SCARF2: variants seen among roughly 807,000 people sequenced by gnomAD.
SCARF2 encodes the protein scavenger receptor expressed by endothelial cells 2 protein.
Under a neutral mutation model 73.4 loss-of-function variants are expected in SCARF2, and 39 were observed. The observed-to-expected ratio is 0.53, with a 90% CI of 0.41 to 0.69. The LOEUF (loss-of-function observed/expected upper bound fraction) is 0.69. Ranked by LOEUF, SCARF2 falls within the 30% of genes least tolerant of loss-of-function variation. The pLI, the probability that SCARF2 is intolerant of heterozygous loss-of-function variation, is 0.00. For missense variants in SCARF2, 1,148 were observed against 1,303.5 expected, an observed-to-expected ratio of 0.88 and a Z score of 1.84; for synonymous variants, 605 against 590.0, an observed-to-expected ratio of 1.03 and a Z score of -0.37.
chr22:20,432,425 G>A (rs1477628531), intron 1 of SCARF2, among the ~76,000 whole-genome samples: 1 of 152,218 alleles, frequency 6.6e-6, no homozygotes, highest in Non-Finnish European at 1.5e-5. Flanking sequence ...GTGACATGAT[G>A]AGGACGGCAC....
Position 20,431,487 on chromosome 22 carries a change from G to T in SCARF2, c.385C>A (p.His129Asn). The T allele has an allele frequency of 6.4e-7, 1 of 1,574,798 alleles. No individual in the cohort carries two copies. The highest frequency in any genetic ancestry group is 2.3e-5 in the East Asian group (1 of 43,042). ...GPDCKELCSC[H>N]PHGQCEDVTG... ...ACGTCCTCGCACTGCCCGTGTGGGT[G>T]GCAGCTACACAGCTCCTTGCAGTCG... The change falls in exon 4 of 11, where the codon CAC becomes AAC. Residue 129 changes from histidine (H) to asparagine (N), a missense_variant. Physicochemically the swap from His to Asn is moderately conservative, Grantham distance 68. Coordinates refer to ENST00000622235, the MANE Select transcript of SCARF2 (RefSeq NM_182895.5).
Position 20,429,049 on chromosome 22 carries a change from T to G in SCARF2, c.1540+176A>C, listed in dbSNP as rs1047869864. 6.6e-6 allele frequency among the ~76,000 whole-genome samples: 1 copy of G among 152,062 alleles called. No individual in the cohort carries two copies. Among genetic ancestry groups the G allele is most frequent in the Non-Finnish European group, 1.5e-5 (1 of 67,996 alleles). ...CCTGCCTTCCTACCTTGCCTCGCCC[T>G]CAGCAGCTGCCACACCTCTTACCTT... is the stretch of plus-strand genomic sequence containing the variant. On this transcript the variant is annotated intron_variant, in intron 9 of 10. Transcript: ENST00000622235. This position sits in a 1 kb window ranked among gnomAD's most constrained non-coding sequence, Gnocchi z 5.2.
At position 20,431,811 on chromosome 22, in the gene SCARF2, C is replaced by T. The variant is rs1388719316; in HGVS notation, c.268G>A (p.Glu90Lys). 1.3e-6 allele frequency: 2 copies of T among 1,598,448 alleles called. No homozygotes were observed. Among genetic ancestry groups the T allele is most frequent in the African/African-American group, 1.3e-5 (1 of 74,802 alleles). ...CEGNSTCSENEVCVRPGECRC... is the reference protein window; with the variant it reads ...CEGNSTCSENKVCVRPGECRC... The stretch of plus-strand genomic sequence containing the variant: ...CACTCGCCAGGCCTCACGCACACCT[C>T]GTTCTCTGAGCACGTGGAGTTGCCT... Residue 90 changes from glutamate to lysine, a missense_variant, in exon 3 of 11, where the codon GAG becomes AAG. Physicochemically the swap from Glu to Lys is moderately conservative, Grantham distance 56 (BLOSUM62 1). Coordinates refer to ENST00000622235, the MANE Select transcript of SCARF2 (RefSeq NM_182895.5).
In SCARF2 at chr22:20,430,560, TGGAAAGAGG is replaced by T; in HGVS notation, c.1074-12_1074-4del. The T allele has an allele frequency of 6.2e-7, 1 of 1,611,950 alleles. No individual in the cohort carries two copies. Among genetic ancestry groups the T allele is most frequent in the Non-Finnish European group, 8.5e-7 (1 of 1,179,372 alleles). On this transcript the variant is annotated splice_region_variant and splice_polypyrimidine_tract_variant and intron_variant, in intron 5 of 10. Transcript: ENST00000622235. ...CATTGCTACACTTGGTCTCGCACCT[TGGAAAGAGG>T]GGAGGAGGCGTCAGCAGAAATGGAG...
chr22:20,433,081 C>T (rs1008672267), intron 1 of SCARF2, among the ~76,000 whole-genome samples: 2 of 152,186 alleles, frequency 1.3e-5, no homozygotes, highest in South Asian at 2.1e-4. Context: ...ACAATGCTAC[C>T]GCAGCACTTC....
intron 6 of SCARF2, 100 bp downstream of exon 6, chr22:20,430,324 CTGAGG>C: frequency 2.2e-6 from 3 of 1,379,736 alleles, no homozygotes; most frequent in Non-Finnish European, 3.0e-6. Flanking sequence ...GGGACCAAGG[CTGAGG>C]TGATAACCCA....
At position 20,427,390 on chromosome 22, in the gene SCARF2, T is replaced by C. The variant is rs1388985052; in HGVS notation, c.1693+8A>G. On this transcript the variant is annotated splice_region_variant and intron_variant, in intron 10 of 10. Coordinates refer to ENST00000622235, the MANE Select transcript of SCARF2 (RefSeq NM_182895.5). Reference sequence around the variant, plus strand: ...GCTGGAGTGATGCCCAGGTAGGGCCTTACTTACCCTCATGGGGTACACAGT... The same window carrying C: ...GCTGGAGTGATGCCCAGGTAGGGCCCTACTTACCCTCATGGGGTACACAGT... 1.2e-6 allele frequency: 2 copies of C among 1,614,068 alleles called. No individual in the cohort carries two copies. Among genetic ancestry groups the C allele is most frequent in the South Asian group, 2.2e-5 (2 of 91,066 alleles).
Position 20,429,380 on chromosome 22 carries a change from CG to C in SCARF2, c.1425-41del. The C allele has an allele frequency of 2.0e-6, 1 of 511,606 alleles. No homozygotes were observed. Among genetic ancestry groups the C allele is most frequent in the South Asian group, 1.6e-5 (1 of 63,558 alleles). The allele number at this position is 511,606 out of a possible 1,614,324, so 31.7% of individuals were successfully genotyped here. On this transcript the variant is annotated intron_variant, in intron 8 of 10. Transcript: ENST00000622235. This position sits in a 1 kb window ranked among gnomAD's most constrained non-coding sequence, Gnocchi z 5.2. ...TCTGAGCGGAGGGGCGGGGCCGGGG[CG>C]GGGCCCAGGGGCGATTAGATCTCGG...
At chr22:20,430,376 C>G (rs1257124649) in intron 6 of SCARF2, 53 bp downstream of exon 6, 5 of 1,553,068 alleles carry the variant, frequency 3.2e-6, no homozygotes, top group Non-Finnish European at 4.4e-6. Context: ...GGCTGGACCC[C>G]CCTCTGTGGC....
rs538628814 is a variant in SCARF2 at position 20,426,498 on chromosome 22, T to G, written c.1694-216A>C. ...CTCTGAACTCAGGCTGTGCAAGGAG[T>G]GATGGGCGCATTCCCGCGACTGAAG... On this transcript the variant is annotated intron_variant, in intron 10 of 10. Transcript: ENST00000622235. Among the ~76,000 whole-genome samples, 6 of 152,152 alleles carry G rather than the reference T, an allele frequency of 3.9e-5. No individual in the cohort carries two copies. The South Asian group carries it at 6.2e-4, about 16-fold the overall frequency.
At chr22:20,436,117 C>A (rs1304482884) in intron 1 of SCARF2, among the ~76,000 whole-genome samples, 1 of 152,246 alleles carries the variant, frequency 6.6e-6, no homozygotes, top group East Asian at 1.9e-4. Context: ...TGGAGACAGG[C>A]CCAGAGAGGT....
rs1601306894 is a variant in SCARF2, at chr22:20,436,439, G to A, written c.173+1143C>T. 2.0e-5 allele frequency among the ~76,000 whole-genome samples: 3 copies of A among 152,150 alleles called. No individual in the cohort carries two copies. In the South Asian group the frequency reaches 6.2e-4, roughly 32 times the overall value. On this transcript the variant is annotated intron_variant, in intron 1 of 10. Coordinates refer to ENST00000622235, the MANE Select transcript of SCARF2 (RefSeq NM_182895.5). The stretch of plus-strand genomic sequence containing the variant: ...GGGCCGGGGAGGCCCGGGAGTCCGC[G>A]GCGGCGGCATCGATGCGAAGCAGAT...
chr22:20,436,782 T>C (rs1026070399), intron 1 of SCARF2, among the ~76,000 whole-genome samples: 1 of 151,894 alleles, frequency 6.6e-6, no homozygotes, highest in African/African-American at 2.4e-5. Context: ...GCCCACCGGC[T>C]CCCCCGACCC....
At position 20,425,289 on chromosome 22, in the gene SCARF2, C is replaced by A; in HGVS notation, c.*86G>T. On this transcript the variant is annotated 3_prime_UTR_variant, in exon 11 of 11. Coordinates refer to ENST00000622235, the MANE Select transcript of SCARF2 (RefSeq NM_182895.5). This position sits in a 1 kb window ranked among gnomAD's most constrained non-coding sequence, Gnocchi z 4.6. ...GCGCGGTGCCCGGCCAATAGGAGGCCGCCCGTGCCCGGTAGCGTGGGAGGT... is the reference window on the plus strand; with the variant it reads ...GCGCGGTGCCCGGCCAATAGGAGGCAGCCCGTGCCCGGTAGCGTGGGAGGT... 8.4e-7 allele frequency: 1 copy of A among 1,184,786 alleles called. No homozygotes were observed. The highest frequency in any genetic ancestry group is 1.1e-6 in the Non-Finnish European group (1 of 921,606). 73.4% of individuals were successfully genotyped at this position (1,184,786 alleles called of 1,614,324 possible). A position where few individuals can be genotyped will look rare whatever the true frequency, so the allele number is the denominator to read the frequency against.
In SCARF2 at chr22:20,425,510, CG is replaced by C; in HGVS notation, c.2465del (p.Pro822ArgfsTer117). ...PARAPPATET[P>X]GPEKAATDLP... ...AGTCGGTCGCCGCCTTCTCAGGCCC[CG>C]GGGTTTCGGTCGCTGGGGGCGCGCG... is the stretch of plus-strand genomic sequence containing the variant. On this transcript the variant is annotated frameshift_variant, in exon 11 of 11. Transcript: ENST00000622235. LOFTEE classifies it high-confidence loss of function. The surrounding 1 kb of genome is among the most constrained non-coding windows in gnomAD (Gnocchi z 4.6). 1.5e-6 allele frequency: 2 copies of C among 1,355,280 alleles called. No homozygotes were observed. Among genetic ancestry groups the C allele is most frequent in the Non-Finnish European group, 1.9e-6 (2 of 1,055,576 alleles). 84.0% of individuals were successfully genotyped at this position (1,355,280 alleles called of 1,614,324 possible). A position where few individuals can be genotyped will look rare whatever the true frequency, so the allele number is the denominator to read the frequency against.
intron 1 of SCARF2, among the ~76,000 whole-genome samples, chr22:20,437,060 C>G (rs1181420244): frequency 1.3e-5 from 2 of 152,122 alleles, no homozygotes; most frequent in African/African-American, 2.4e-5. Context: ...TCGACGCTCG[C>G]CTGGGTCACC....
chr22:20,431,270 A>T lies in SCARF2; in HGVS notation c.602T>A (p.Leu201Gln), dbSNP rs1161979401. 1 of 1,540,464 alleles carries T rather than the reference A, an allele frequency of 6.5e-7. No individual in the cohort carries two copies. The highest frequency in any genetic ancestry group is 1.4e-5 in the African/African-American group (1 of 72,614). ...SRCDPQTGAC[L>Q]CHAGWWGRSC... ...GCGGCCCCACCAGCCTGCGTGGCAC[A>T]GGCAGGCGCCGGTCTGTGGGTCGCA... is the stretch of plus-strand genomic sequence containing the variant. Residue 201 changes from leucine to glutamine, a missense_variant, in exon 4 of 11, where the codon CTG becomes CAG. Physicochemically the swap from Leu to Gln is moderately radical, Grantham distance 113. This residue lies in a region of SCARF2 where 372 missense variants were observed against 532.0 expected (regional missense o/e 0.70). Transcript: ENST00000622235.
rs984302440 is a variant in SCARF2, at chr22:20,432,107, G to T, written c.174-119C>A. On this transcript the variant is annotated intron_variant, in intron 1 of 10. Transcript: ENST00000622235. Reference sequence around the variant, plus strand: ...CTCTGCAGTTGCGCTCCTGTCCTAGGGGGGTGGTTAATGAGGTCCTGCCAG... The same window carrying T: ...CTCTGCAGTTGCGCTCCTGTCCTAGTGGGGTGGTTAATGAGGTCCTGCCAG... 27 of 1,060,690 alleles carry T rather than the reference G, an allele frequency of 2.5e-5. No individual in the cohort carries two copies. In the South Asian group the frequency reaches 3.2e-4, roughly 13 times the overall value. The allele number at this position is 1,060,690 out of a possible 1,614,324, so 65.7% of individuals were successfully genotyped here.
rs773838754 is a variant in SCARF2, at chr22:20,425,454, GTCT to G, written c.2519_2521del (p.Lys840del). The G allele has an allele frequency of 2.1e-6, 3 of 1,418,206 alleles. No homozygotes were observed. In the South Asian group the frequency reaches 4.5e-5, roughly 21 times the overall value. 87.9% of individuals were successfully genotyped at this position (1,418,206 alleles called of 1,614,324 possible). On this transcript the variant is annotated inframe_deletion, in exon 11 of 11. Transcript: ENST00000622235. The surrounding 1 kb of genome is among the most constrained non-coding windows in gnomAD (Gnocchi z 4.6). ...CTTGCGCGGCGGCTTCTGGATGGGGGTCTTCTTCCGGGGGGTCTCAGGCGCGGG... is the reference window on the plus strand; with the variant it reads ...CTTGCGCGGCGGCTTCTGGATGGGGGTCTTCCGGGGGGTCTCAGGCGCGGG...
Sources: allele counts gnomAD v4.1 joint callset (sites outside exome capture counted in the v4.1 genomes callset), GRCh38; gene constraint gnomAD v4.1.1; regional missense constraint gnomAD v4.1.1; non-coding constraint Gnocchi (gnomAD v3.1); transcripts MANE v1.5; gene names NCBI Gene and HGNC (gene_info 2026-07-23, HGNC 2026-07-21).